Variants in SMCHD1 observed in about 807,000 individuals in gnomAD.
The protein encoded by SMCHD1 is structural maintenance of chromosomes flexible hinge domain containing 1.
Under a neutral mutation model 254.7 loss-of-function variants are expected in SMCHD1, and 78 were observed. The observed-to-expected ratio is 0.31, with a 90% CI of 0.26 to 0.37. SMCHD1 has a LOEUF of 0.37. Ranked by LOEUF, SMCHD1 falls within the 10% of genes least tolerant of loss-of-function variation. The pLI is 1.00. For missense variants in SMCHD1, 1,840 were observed against 2,408.1 expected, an observed-to-expected ratio of 0.76 and a Z score of 4.94; for synonymous variants, 766 against 794.9, an observed-to-expected ratio of 0.96 and a Z score of 0.61.
chr18:2,728,369 C>T, intron 22 of SMCHD1, 88 bp from the exon 23 acceptor site: 1 of 1,269,104 alleles, frequency 7.9e-7, no homozygotes, highest in South Asian at 1.4e-5. Flanking sequence ...AATATTAAGT[C>T]TTTAATGTTA....
chr18:2,729,314 T>G lies in SMCHD1; in HGVS notation c.2953T>G (p.Cys985Gly), dbSNP rs893424523. Residue 985 changes from cysteine (C) to glycine (G), a missense_variant, in exon 24 of 48, where the codon TGC (cysteine) becomes GGC (glycine). Cys to Gly is a radical substitution (Grantham distance 159). Around this residue, in one of 9 missense-constraint regions of SMCHD1, gnomAD observed 881 missense variants for 1,009.5 expected, o/e 0.87. Transcript: ENST00000320876. The part of the protein sequence containing the change: ...APNLPVYVVD[C>G]SSSGTSILTG... ...AAACCTTCCAGTCTATGTTGTAGAT[T>G]GCAGTAGTTCTGGAACCAGTATTTT... 6.4e-7 allele frequency: 1 copy of G among 1,557,954 alleles called. No individual in the cohort carries two copies. The highest frequency in any genetic ancestry group is 8.7e-7 in the Non-Finnish European group (1 of 1,152,332).
At chr18:2,746,502 C>G (rs1158755452) in intron 29 of SMCHD1, among the ~76,000 whole-genome samples, 1 of 152,158 alleles carries the variant, frequency 6.6e-6, no homozygotes, top group African/African-American at 2.4e-5. Flanking sequence ...TTTTTATAAA[C>G]TTTGGCAGAG....
At chr18:2,713,108 C>T (rs1012980827) in intron 17 of SMCHD1, among the ~76,000 whole-genome samples, 20 of 152,158 alleles carry the variant, frequency 1.3e-4, no homozygotes, top group Non-Finnish European at 4.4e-5. Context: ...TGAGCTGTTT[C>T]TTATGATTAC....
intron 5 of SMCHD1, among the ~76,000 whole-genome samples, chr18:2,675,738 C>T (rs1018437361): frequency 2.6e-5 from 4 of 152,042 alleles, no homozygotes; most frequent in African/African-American, 9.7e-5. Context: ...GTAGATTAGG[C>T]AAAATGGTCA....
chr18:2,803,933 T>A lies in SMCHD1; in HGVS notation c.*1381T>A, dbSNP rs894969967. ...TTTAGCATCCCTAATCCAAAAATCTTTCATTAGAAATTGGAAATGCTTCAA... is the reference window on the plus strand; with the variant it reads ...TTTAGCATCCCTAATCCAAAAATCTATCATTAGAAATTGGAAATGCTTCAA... On this transcript the variant is annotated 3_prime_UTR_variant, in exon 48 of 48. Transcript: ENST00000320876. 6 of 152,182 alleles carry A rather than the reference T, an allele frequency of 3.9e-5. No homozygotes were observed. Among genetic ancestry groups the A allele is most frequent in the Admixed American group, 2.6e-4 (4 of 15,268 alleles). 9.4% of individuals were successfully genotyped at this position (152,182 alleles called of 1,614,324 possible).
chr18:2,777,866 T>C lies in SMCHD1; in HGVS notation c.5427T>C (p.Phe1809=). 1 of 1,551,962 alleles carries C rather than the reference T, an allele frequency of 6.4e-7. No homozygotes were observed. ...LYFKPIGDPV[F]ARDLLTFPDN... The stretch of plus-strand genomic sequence containing the variant: ...TTAAACCCATTGGAGATCCAGTCTT[T>C]GCTCGAGACTTGTTAACATTTCCAG... The change falls in exon 43 of 48, where the codon TTT becomes TTC. Residue 1809 remains phenylalanine, a synonymous_variant. Coordinates refer to ENST00000320876, the MANE Select transcript of SMCHD1 (RefSeq NM_015295.3).
chr18:2,698,337 CT>C (rs1159319566), intron 10 of SMCHD1, among the ~76,000 whole-genome samples: 2 of 152,120 alleles, frequency 1.3e-5, no homozygotes, highest in East Asian at 3.9e-4. Flanking sequence ...TCTCTTTATC[CT>C]TGTTGCAGTT....
intron 45 of SMCHD1, among the ~76,000 whole-genome samples, chr18:2,792,151 T>A (rs891419601): frequency 1.9e-4 from 29 of 152,168 alleles, no homozygotes; most frequent in African/African-American, 7.0e-4. Flanking sequence ...AATTTGCTTT[T>A]AAAAAAACAG....
chr18:2,740,909 A>G (rs1172022992), intron 28 of SMCHD1, 88 bp downstream of exon 28: 1 of 736,638 alleles, frequency 1.4e-6, no homozygotes, highest in Non-Finnish European at 2.2e-6. Flanking sequence ...TATAAGAAAA[A>G]AGTTTGATTT....
intron 39 of SMCHD1, 124 bp downstream of exon 39, chr18:2,770,232 A>G: frequency 1.0e-6 from 1 of 979,958 alleles, no homozygotes. Flanking sequence ...TGTTTCAGAA[A>G]GGTGGTAATG....
At chr18:2,692,607 G>A (rs1431882697) in intron 7 of SMCHD1, among the ~76,000 whole-genome samples, 3 of 151,950 alleles carry the variant, frequency 2.0e-5, no homozygotes, top group Non-Finnish European at 2.9e-5. Context: ...CAGCCATCCC[G>A]CTTCATCTTT....
chr18:2,726,522 C>CTGGT lies in SMCHD1; in HGVS notation c.2772_2773+2dup, dbSNP rs1260849066. The CTGGT allele has an allele frequency of 2.3e-6, 3 of 1,291,580 alleles. No individual in the cohort carries two copies. Among genetic ancestry groups the CTGGT allele is most frequent in the African/African-American group, 3.0e-5 (2 of 66,952 alleles). The allele number at this position is 1,291,580 out of a possible 1,614,324, so 80.0% of individuals were successfully genotyped here. A position where few individuals can be genotyped will look rare whatever the true frequency, so the allele number is the denominator to read the frequency against. ...CAGATTTTGAAAATTAGATTACTAC[C>CTGGT]TGGTAATATTATTTCAAGAAATATA... On this transcript the variant is annotated frameshift_variant and splice_region_variant, in exon 22 of 48. Coordinates refer to ENST00000320876, the MANE Select transcript of SMCHD1 (RefSeq NM_015295.3). LOFTEE classifies it high-confidence loss of function.
intron 12 of SMCHD1, chr18:2,701,194 T>C (rs2074393264): frequency 4.9e-6 from 1 of 205,798 alleles, no homozygotes; most frequent in Non-Finnish European, 9.7e-6. Context: ...GGAGTTTCAC[T>C]CTGTTTCCCA....
intron 17 of SMCHD1, among the ~76,000 whole-genome samples, chr18:2,714,145 A>T (rs2074743566): frequency 6.6e-6 from 1 of 152,198 alleles, no homozygotes; most frequent in African/African-American, 2.4e-5. Context: ...TAGGCCTAGT[A>T]ATACTTGTTT....
At chr18:2,768,660 AGTATATAGT>A (rs977990905) in intron 37 of SMCHD1, among the ~76,000 whole-genome samples, 1 of 122,558 alleles carries the variant, frequency 8.2e-6, no homozygotes, top group African/African-American at 2.8e-5. Context: ...TATATAGTAT[AGTATATAGT>A]GTACTATATA....
In SMCHD1 at chr18:2,784,542, T is replaced by C; in HGVS notation, c.5640T>C (p.Ala1880=). The C allele has an allele frequency of 6.2e-7, 1 of 1,612,348 alleles. No homozygotes were observed. Among genetic ancestry groups the C allele is most frequent in the Non-Finnish European group, 8.5e-7 (1 of 1,179,390 alleles). ...NGKFGGLQNK[A]PPMDKLRGMV... is the part of the protein sequence containing the mutation. ...AGTTTGGGGGCCTTCAGAATAAAGC[T>C]CCTCCAATGGATAAACTTCGGGGAA... is the stretch of plus-strand genomic sequence containing the variant. Residue 1880 remains alanine (A), a synonymous_variant, in exon 45 of 48, where the codon GCT becomes GCC. Coordinates refer to ENST00000320876, the MANE Select transcript of SMCHD1 (RefSeq NM_015295.3).
chr18:2,713,788 T>C (rs1212503991), intron 17 of SMCHD1, among the ~76,000 whole-genome samples: 1 of 152,236 alleles, frequency 6.6e-6, no homozygotes, highest in Non-Finnish European at 1.5e-5. Context: ...TTTTGAGAGT[T>C]TCTCTTGGAA....
At chr18:2,780,233 C>A (rs2076132105) in intron 44 of SMCHD1, among the ~76,000 whole-genome samples, 2 of 49,370 alleles carry the variant, frequency 4.1e-5, no homozygotes, top group African/African-American at 1.6e-4. Flanking sequence ...GAGCAAGACT[C>A]TATCTAAAAA....
intron 17 of SMCHD1, among the ~76,000 whole-genome samples, chr18:2,711,154 C>G (rs943814630): frequency 6.7e-6 from 1 of 149,638 alleles, no homozygotes; most frequent in African/African-American, 2.5e-5. Flanking sequence ...TTTTTTTTTT[C>G]TTTTTATCAA....
Sources: allele counts gnomAD v4.1 joint callset (sites outside exome capture counted in the v4.1 genomes callset), GRCh38; gene constraint gnomAD v4.1.1; regional missense constraint gnomAD v4.1.1; transcripts MANE v1.5; gene names NCBI Gene and HGNC (gene_info 2026-07-23, HGNC 2026-07-21).